DPH6: variants seen among roughly 807,000 people sequenced by gnomAD.
The protein encoded by DPH6 is diphthamine biosynthesis 6.
In DPH6, 33 loss-of-function variants were observed where a neutral mutation model predicts 38.2. That is an observed-to-expected ratio of 0.86 (90% CI 0.65 to 1.15). The LOEUF is 1.15. DPH6 is among the 50% of genes most tolerant of loss of function. DPH6 has a pLI of 0.00. For missense variants in DPH6, 325 were observed against 320.0 expected (o/e 1.02, Z -0.12); for synonymous variants, 108 against 103.0 (o/e 1.05, Z -0.30).
At chr15:35,538,114 A>T (rs2055198646) in intron 3 of DPH6, 160 bp downstream of exon 3, 1 of 487,522 alleles carries the variant, frequency 2.1e-6, no homozygotes, top group African/African-American at 2.0e-5. Context: ...AGGCATACTA[A>T]TCATTTGCAG....
At chr15:35,393,318 T>TTCCATCATAAG (rs1478918224) in intron 6 of DPH6, among the ~76,000 whole-genome samples, 1 of 152,132 alleles carries the variant, frequency 6.6e-6, no homozygotes, top group Non-Finnish European at 1.5e-5. Context: ...TCTCTTCCTC[T>TTCCATCATAAG]TCCATCATAA....
intron 6 of DPH6, among the ~76,000 whole-genome samples, chr15:35,406,178 G>T (rs1044244053): frequency 1.3e-5 from 2 of 151,984 alleles, no homozygotes; most frequent in Non-Finnish European, 2.9e-5. Context: ...AGATTTTAAA[G>T]AGAGATTTAG....
At chr15:35,185,096 T>C in the DPH6 span, among the ~76,000 whole-genome samples, 1 of 150,966 alleles carries the variant, frequency 6.6e-6, no homozygotes, top group African/African-American at 2.4e-5. Flanking sequence ...AAAAAAAAAC[T>C]CAATCCACAA....
chr15:35,436,493 ACAAAACAAAAC>A (rs2053709992), intron 5 of DPH6, among the ~76,000 whole-genome samples: 2 of 36,452 alleles, frequency 5.5e-5, no homozygotes, highest in African/African-American at 1.7e-4. Flanking sequence ...ACAAAACAAA[ACAAAACAAAAC>A]AAAACAAAAC....
intron 8 of DPH6, 51 bp from the exon 9 acceptor site, chr15:35,372,254 G>C: frequency 2.2e-6 from 3 of 1,360,250 alleles, no homozygotes; most frequent in Non-Finnish European, 2.9e-6. Flanking sequence ...TATTTATTCA[G>C]TGTCAGTGAA....
At chr15:35,375,704 T>C (rs1458973208) in intron 7 of DPH6, among the ~76,000 whole-genome samples, 1 of 152,068 alleles carries the variant, frequency 6.6e-6, no homozygotes, top group Non-Finnish European at 1.5e-5. Flanking sequence ...TCTCTTTCAT[T>C]ACTACACTAG....
intron 3 of DPH6, among the ~76,000 whole-genome samples, chr15:35,495,391 A>G (rs2141181927): frequency 6.6e-6 from 1 of 152,234 alleles, no homozygotes; most frequent in South Asian, 2.1e-4. Context: ...CCTACAGAAA[A>G]CTTGATCTTG....
intron 3 of DPH6, among the ~76,000 whole-genome samples, chr15:35,339,962 G>A (rs59446965): frequency 0.03 from 4,601 of 152,154 alleles, 236 homozygotes; most frequent in African/African-American, 0.11. Flanking sequence ...AATGATCTGT[G>A]TAATATTGTC....
At chr15:35,384,587 C>T (rs925502341) in intron 6 of DPH6, among the ~76,000 whole-genome samples, 10 of 152,030 alleles carry the variant, frequency 6.6e-5, no homozygotes, top group African/African-American at 2.4e-4. Context: ...CGCTTGAACC[C>T]AGGAGGCGGA....
intron 3 of DPH6, among the ~76,000 whole-genome samples, chr15:35,507,184 T>C (rs2054705632): frequency 3.3e-5 from 5 of 152,036 alleles, no homozygotes; most frequent in Admixed American, 3.3e-4. Flanking sequence ...CTATAAGCTA[T>C]TAACGATGTC....
intron 6 of DPH6, among the ~76,000 whole-genome samples, chr15:35,389,670 CT>C (rs200023220): frequency 6.6e-6 from 1 of 152,074 alleles, no homozygotes; most frequent in African/African-American, 2.4e-5. Context: ...CAATCCCTGC[CT>C]TTTTTTGTTT....
intron 3 of DPH6, among the ~76,000 whole-genome samples, chr15:35,290,215 C>T (rs781669335): frequency 7.2e-5 from 11 of 152,168 alleles, no homozygotes; most frequent in Non-Finnish European, 1.2e-4. Flanking sequence ...TTAGTAGGTA[C>T]ACAGCACAAA....
chr15:35,345,867 A>G (rs1389239999), intron 3 of DPH6, among the ~76,000 whole-genome samples: 1 of 151,998 alleles, frequency 6.6e-6, no homozygotes, highest in African/African-American at 2.4e-5. Context: ...ATGTAATGAA[A>G]TAACTCTAGA....
chr15:35,438,776 T>A (rs2053749294), intron 5 of DPH6, among the ~76,000 whole-genome samples: 1 of 152,196 alleles, frequency 6.6e-6, no homozygotes, highest in Non-Finnish European at 1.5e-5. Context: ...TCATGTGACT[T>A]TAGTCTTTGA....
chr15:35,327,496 C>A (rs2052293385), downstream of DPH6, among the ~76,000 whole-genome samples: 1 of 152,106 alleles, frequency 6.6e-6, no homozygotes, highest in South Asian at 2.1e-4. Context: ...CAGGTGCCTG[C>A]TGCCATGCCT....
At chr15:35,517,454 A>T (rs1404146257) in intron 3 of DPH6, among the ~76,000 whole-genome samples, 1 of 152,122 alleles carries the variant, frequency 6.6e-6, no homozygotes. Flanking sequence ...TTTGGTAGAC[A>T]GCATCTTGTC....
intron 3 of DPH6, among the ~76,000 whole-genome samples, chr15:35,529,338 A>G (rs1479397713): frequency 6.6e-6 from 1 of 152,112 alleles, no homozygotes; most frequent in African/African-American, 2.4e-5. Flanking sequence ...GTGAGGTGCT[A>G]AACACTTTCA....
chr15:35,276,339 T>C (rs1281593728), intron 3 of DPH6, among the ~76,000 whole-genome samples: 1 of 152,250 alleles, frequency 6.6e-6, no homozygotes, highest in Admixed American at 6.5e-5. Context: ...ATTAGTCCTT[T>C]GTCAGATGTA....
Position 35,373,555 on chromosome 15 carries a change from T to C in DPH6, c.716A>G (p.Tyr239Cys), listed in dbSNP as rs745733884. 209 of 1,608,642 alleles carry C rather than the reference T, an allele frequency of 1.3e-4. No homozygotes were observed. The highest frequency in any genetic ancestry group is 1.7e-4 in the Non-Finnish European group (201 of 1,177,516). Residue 239 changes from tyrosine to cysteine, a missense_variant, in exon 8 of 9, where the codon TAT becomes TGT. Tyr to Cys is a radical substitution (Grantham distance 194, BLOSUM62 -2). Coordinates refer to ENST00000256538, the MANE Select transcript of DPH6 (RefSeq NM_080650.4). ...CAAGTGCAATTCTAAAAAGCGTAGA[T>C]AAGCCACAGGTGCAAATGCATCAGC... ...HSADAFAPVAYLRFLELHLED... is the reference protein window; with the variant it reads ...HSADAFAPVACLRFLELHLED...
Sources: gnomAD v4.1 joint callset for allele counts (sites outside exome capture counted in the v4.1 genomes callset) on GRCh38, gnomAD v4.1.1 for gene constraint, MANE v1.5 for transcripts, NCBI Gene and HGNC (gene_info 2026-07-23, HGNC 2026-07-21) for gene names.